RELN: variants seen among roughly 807,000 people sequenced by gnomAD.
RELN encodes reelin.
Under a neutral mutation model 427.6 loss-of-function variants are expected in RELN, and 108 were observed. The observed-to-expected ratio is 0.25, with a 90% CI of 0.22 to 0.30. The LOEUF is 0.30. Among genes scored for constraint, RELN ranks in the 10% least tolerant of loss-of-function variants. RELN has a pLI of 1.00. For missense variants in RELN, 3,715 were observed against 4,302.8 expected (o/e 0.86, Z 3.82); for synonymous variants, 1,524 against 1,513.4 (o/e 1.01, Z -0.16).
chr7:103,596,925 G>C (rs909540759), intron 24 of RELN, among the ~76,000 whole-genome samples: 4 of 152,148 alleles, frequency 2.6e-5, no homozygotes, highest in Non-Finnish European at 2.9e-5. Context: ...ATTACACCAA[G>C]AGTACTAAAA....
At chr7:103,767,674 T>C (rs775970460) in intron 4 of RELN, among the ~76,000 whole-genome samples, 6 of 152,244 alleles carry the variant, frequency 3.9e-5, no homozygotes, top group Admixed American at 1.3e-4. Flanking sequence ...TAGTCTATTC[T>C]GATATTTTGT....
intron 51 of RELN, among the ~76,000 whole-genome samples, chr7:103,507,416 C>G (rs1829252021): frequency 6.6e-6 from 1 of 152,204 alleles, no homozygotes; most frequent in South Asian, 2.1e-4. Flanking sequence ...ACTGAACAAT[C>G]TGCTCCTGAA....
At chr7:103,783,798 G>A (rs544341028) in intron 3 of RELN, among the ~76,000 whole-genome samples, 5 of 152,294 alleles carry the variant, frequency 3.3e-5, no homozygotes, top group Non-Finnish European at 7.4e-5. Flanking sequence ...CTGAAATGGA[G>A]ATGGAGGCTT....
chr7:103,590,766 A>G (rs972289835), intron 27 of RELN, among the ~76,000 whole-genome samples: 8 of 152,050 alleles, frequency 5.3e-5, no homozygotes, highest in Non-Finnish European at 1.0e-4. Context: ...TACAACTTAA[A>G]TCCCACTGGC....
intron 2 of RELN, among the ~76,000 whole-genome samples, chr7:103,867,105 G>A (rs563654976): frequency 1.2e-4 from 19 of 152,078 alleles, no homozygotes; most frequent in Non-Finnish European, 2.4e-4. Context: ...TCACTGAATA[G>A]ATGTTACATG....
At chr7:103,762,948 T>G (rs909291108) in intron 4 of RELN, among the ~76,000 whole-genome samples, 1 of 152,180 alleles carries the variant, frequency 6.6e-6, no homozygotes. Context: ...GTATGCAAGA[T>G]GCATGCCCCC....
chr7:103,721,423 T>C (rs779160901), intron 8 of RELN, among the ~76,000 whole-genome samples: 2 of 152,180 alleles, frequency 1.3e-5, no homozygotes, highest in African/African-American at 2.4e-5. Flanking sequence ...CCCGAGACCT[T>C]GGCCCTGGTG....
intron 1 of RELN, among the ~76,000 whole-genome samples, chr7:103,982,673 G>A (rs1011365577): frequency 6.6e-6 from 1 of 152,082 alleles, no homozygotes; most frequent in Non-Finnish European, 1.5e-5. Context: ...GTGGGAAGGA[G>A]ATGGGAAAGG....
Position 103,593,565 on chromosome 7 carries a change from G to C in RELN, c.3912+117C>G, listed in dbSNP as rs1408845604. 4.6e-6 allele frequency: 4 copies of C among 867,570 alleles called. No homozygotes were observed. In the African/African-American group the frequency reaches 6.7e-5, roughly 15 times the overall value. 53.7% of individuals were successfully genotyped at this position (867,570 alleles called of 1,614,324 possible). A position where few individuals can be genotyped will look rare whatever the true frequency, so the allele number is the denominator to read the frequency against. On this transcript the variant is annotated intron_variant, in intron 27 of 64. Coordinates refer to ENST00000428762, the MANE Select transcript of RELN (RefSeq NM_005045.4). The stretch of plus-strand genomic sequence containing the variant: ...CTAACACTGTTAAGCTTTCGTACAG[G>C]TGAGTCCCTTCTTTAATAGAATATG...
chr7:103,756,261 C>T (rs1791149684), intron 4 of RELN, among the ~76,000 whole-genome samples: 1 of 152,134 alleles, frequency 6.6e-6, no homozygotes, highest in South Asian at 2.1e-4. Flanking sequence ...CAGGAGAGGG[C>T]CATTTTAGAA....
intron 13 of RELN, among the ~76,000 whole-genome samples, 164 bp from the exon 14 acceptor site, chr7:103,652,923 T>C (rs557941383): frequency 9.2e-5 from 14 of 152,196 alleles, no homozygotes; most frequent in African/African-American, 1.9e-4. Flanking sequence ...GAAGATGCTA[T>C]CCTCAAGGAG....
chr7:103,797,826 G>GTAACAAA (rs1261367014), intron 3 of RELN, among the ~76,000 whole-genome samples: 1 of 152,142 alleles, frequency 6.6e-6, no homozygotes, highest in African/African-American at 2.4e-5. Flanking sequence ...AAGAAAGGAG[G>GTAACAAA]TAACAAATCA....
At chr7:103,618,927 A>G (rs1404096240) in intron 20 of RELN, among the ~76,000 whole-genome samples, 1 of 152,078 alleles carries the variant, frequency 6.6e-6, no homozygotes, top group Non-Finnish European at 1.5e-5. Flanking sequence ...CCTGGCTAAC[A>G]TGGTGAAACC....
At chr7:103,669,582 C>G (rs925990517) in intron 11 of RELN, among the ~76,000 whole-genome samples, 3 of 152,024 alleles carry the variant, frequency 2.0e-5, no homozygotes, top group Admixed American at 1.3e-4. Flanking sequence ...GTTCCTGACT[C>G]TCTCCAAATA....
rs1830027688 is a variant in RELN at position 103,535,420 on chromosome 7, C to T, written c.7245G>A (p.Leu2415=). ...LSWHPLVRDC[L]PTNVECSRYH... is the part of the protein sequence containing the mutation. The stretch of plus-strand genomic sequence containing the variant: ...AGCGACTGCATTCCACATTGGTAGG[C>T]AGACAGTCCCTTACCAATGGGTGCC... Residue 2415 remains leucine, a synonymous_variant, in exon 46 of 65, where the codon CTG becomes CTA. Transcript: ENST00000428762. 4 of 1,613,820 alleles carry T rather than the reference C, an allele frequency of 2.5e-6. No homozygotes were observed. The highest frequency in any genetic ancestry group is 3.4e-6 in the Non-Finnish European group (4 of 1,179,748).
intron 1 of RELN, among the ~76,000 whole-genome samples, chr7:103,983,404 A>G (rs1303670036): frequency 6.6e-6 from 1 of 152,238 alleles, no homozygotes; most frequent in Non-Finnish European, 1.5e-5. Context: ...TTTCTGAGCC[A>G]CATAACTGAC....
At chr7:103,732,598 G>GA (rs1790382388) in intron 6 of RELN, among the ~76,000 whole-genome samples, 1 of 152,110 alleles carries the variant, frequency 6.6e-6, no homozygotes, top group African/African-American at 2.4e-5. Context: ...TCCAAGAAGA[G>GA]AATAGTGATC....
chr7:103,766,721 C>T (rs558233889), intron 4 of RELN, among the ~76,000 whole-genome samples: 10 of 152,278 alleles, frequency 6.6e-5, no homozygotes, highest in African/African-American at 2.2e-4. Context: ...ATATATGCTG[C>T]CTACCACCAC....
In RELN at chr7:103,594,448, G is replaced by A; in HGVS notation, c.3584C>T (p.Thr1195Ile). 6.2e-7 allele frequency: 1 copy of A among 1,613,996 alleles called. No homozygotes were observed. Among genetic ancestry groups the A allele is most frequent in the Non-Finnish European group, 8.5e-7 (1 of 1,179,902 alleles). Residue 1195 changes from threonine to isoleucine, a missense_variant, in exon 26 of 65, where the codon ACC becomes ATC. Thr to Ile is a moderately conservative substitution (Grantham distance 89, BLOSUM62 -1). Transcript: ENST00000428762. ...ELPAAAKTPCTRFRWWQPVFS... is the reference protein window; with the variant it reads ...ELPAAAKTPCIRFRWWQPVFS... Reference sequence around the variant, plus strand: ...CACGGGCTGCCACCAGCGGAACCTGGTGCAAGGGGTCTTGGCAGCAGCTGG... The same window carrying A: ...CACGGGCTGCCACCAGCGGAACCTGATGCAAGGGGTCTTGGCAGCAGCTGG...
Sources: gnomAD v4.1 joint callset for allele counts (sites outside exome capture counted in the v4.1 genomes callset) on GRCh38, gnomAD v4.1.1 for gene constraint, MANE v1.5 for transcripts, NCBI Gene and HGNC (gene_info 2026-07-23, HGNC 2026-07-21) for gene names.